The following MACROD2 variants were observed in gnomAD, a reference collection of about 807,000 sequenced individuals.
The protein encoded by MACROD2 is mono-ADP ribosylhydrolase 2.
A neutral mutation model predicts 70.4 loss-of-function variants in MACROD2; 36 were observed. The observed-to-expected ratio is 0.51, with a 90% CI of 0.39 to 0.68. The LOEUF is 0.68. Ranked by LOEUF, MACROD2 falls within the 30% of genes least tolerant of loss-of-function variation. The pLI is 0.00. For missense variants in MACROD2, 496 were observed against 538.4 expected (o/e 0.92, Z 0.78); for synonymous variants, 172 against 178.8 (o/e 0.96, Z 0.30).
chr20:15,960,652 C>A (rs908773893), intron 12 of MACROD2, among the ~76,000 whole-genome samples: 1 of 152,004 alleles, frequency 6.6e-6, no homozygotes, highest in Non-Finnish European at 1.5e-5. Flanking sequence ...ACTCCGTTCC[C>A]CTAAGAGATG....
At chr20:14,904,858 C>G (rs1452828637) in intron 5 of MACROD2, 1 of 152,182 alleles carries the variant, frequency 6.6e-6, no homozygotes, top group Non-Finnish European at 1.5e-5. Flanking sequence ...TAGTAGGAAG[C>G]TTGACGTGGC....
At chr20:14,240,064 G>A (rs2081915140) in intron 3 of MACROD2, among the ~76,000 whole-genome samples, 2 of 152,076 alleles carry the variant, frequency 1.3e-5, no homozygotes, top group South Asian at 4.1e-4. Flanking sequence ...ACTTACATGT[G>A]GTTAAGAAGA....
At chr20:15,968,851 A>G (rs1208606294) in intron 13 of MACROD2, among the ~76,000 whole-genome samples, 1 of 146,360 alleles carries the variant, frequency 6.8e-6, no homozygotes, top group Non-Finnish European at 1.5e-5. Flanking sequence ...ACACATATAC[A>G]TATGGAGAGA....
At chr20:14,579,391 T>C (rs965311401) in intron 4 of MACROD2, among the ~76,000 whole-genome samples, 75 of 152,152 alleles carry the variant, frequency 4.9e-4, no homozygotes, top group African/African-American at 1.4e-3. Flanking sequence ...TCCACCCGCC[T>C]CGGCCTCCCA....
chr20:16,013,554 G>T (rs2066891984), intron 15 of MACROD2, among the ~76,000 whole-genome samples: 1 of 152,224 alleles, frequency 6.6e-6, no homozygotes, highest in African/African-American at 2.4e-5. Flanking sequence ...AACAACTGCT[G>T]CATATGAGAA....
chr20:14,687,907 A>G (rs1469990065), intron 5 of MACROD2, among the ~76,000 whole-genome samples: 1 of 152,230 alleles, frequency 6.6e-6, no homozygotes, highest in Non-Finnish European at 1.5e-5. Flanking sequence ...TTTTTATGCC[A>G]CTTTATAATA....
At chr20:15,160,743 TA>T (rs2076342767) in intron 5 of MACROD2, among the ~76,000 whole-genome samples, 1 of 152,134 alleles carries the variant, frequency 6.6e-6, no homozygotes, top group Non-Finnish European at 1.5e-5. Flanking sequence ...TAGTATTTTT[TA>T]AATATGTATT....
At chr20:15,189,780 AT>A (rs2076558157) in intron 5 of MACROD2, among the ~76,000 whole-genome samples, 2 of 152,244 alleles carry the variant, frequency 1.3e-5, no homozygotes, top group Non-Finnish European at 2.9e-5. Context: ...TGTAGGTATA[AT>A]AAATGAGAAA....
chr20:14,752,014 C>T (rs1404292127), intron 5 of MACROD2, among the ~76,000 whole-genome samples: 2 of 151,628 alleles, frequency 1.3e-5, no homozygotes, highest in Admixed American at 1.3e-4. Flanking sequence ...TCCCATCCCT[C>T]TGGCTGCCTT....
At chr20:15,665,455 A>G (rs763060940) in intron 8 of MACROD2, among the ~76,000 whole-genome samples, 2 of 152,184 alleles carry the variant, frequency 1.3e-5, no homozygotes, top group Admixed American at 6.5e-5. Flanking sequence ...TTCTCTGAGA[A>G]ACCACAGGAC....
chr20:15,896,070 G>GT (rs1293621695), intron 10 of MACROD2, among the ~76,000 whole-genome samples: 3 of 152,124 alleles, frequency 2.0e-5, no homozygotes, highest in African/African-American at 7.2e-5. Context: ...ATGAAATCTG[G>GT]TATCACTGGA....
chr20:15,919,009 A>T (rs2065361505), intron 10 of MACROD2, among the ~76,000 whole-genome samples: 2 of 152,130 alleles, frequency 1.3e-5, no homozygotes, highest in African/African-American at 4.8e-5. Context: ...ACCGATTCTC[A>T]TTTTCAATGA....
chr20:14,815,080 G>A (rs1384921296), intron 5 of MACROD2, among the ~76,000 whole-genome samples: 2 of 151,990 alleles, frequency 1.3e-5, no homozygotes, highest in Non-Finnish European at 2.9e-5. Flanking sequence ...GAACACTGGG[G>A]CCTCAAGGTG....
At chr20:15,179,739 G>C (rs1774833027) in intron 5 of MACROD2, among the ~76,000 whole-genome samples, 1 of 152,136 alleles carries the variant, frequency 6.6e-6, no homozygotes, top group South Asian at 2.1e-4. Flanking sequence ...TGCAAGTGAT[G>C]CTATTAATGT....
chr20:14,994,177 T>C (rs1165492967), intron 5 of MACROD2, among the ~76,000 whole-genome samples: 2 of 152,154 alleles, frequency 1.3e-5, no homozygotes, highest in African/African-American at 4.8e-5. Context: ...ATACATATAA[T>C]ATTTTTTCTT....
At chr20:15,839,925 C>G (rs4814405) in intron 8 of MACROD2, among the ~76,000 whole-genome samples, 8,036 of 152,126 alleles carry the variant, frequency 0.053, 363 homozygotes, top group East Asian at 0.21. Context: ...CCTCAGTTCC[C>G]TCATCTATGA....
At chr20:15,406,016 C>T (rs1291647138) in intron 6 of MACROD2, among the ~76,000 whole-genome samples, 1 of 152,212 alleles carries the variant, frequency 6.6e-6, no homozygotes, top group Non-Finnish European at 1.5e-5. Flanking sequence ...GTGTCTGCTA[C>T]TGTCTACCCA....
intron 13 of MACROD2, among the ~76,000 whole-genome samples, chr20:15,971,566 G>T (rs2066231074): frequency 6.6e-6 from 1 of 152,048 alleles, no homozygotes; most frequent in Admixed American, 6.6e-5. Flanking sequence ...CTAGTCTTGG[G>T]TATTTCTTCA....
At chr20:14,556,055 T>C (rs1287978771) in intron 4 of MACROD2, among the ~76,000 whole-genome samples, 2 of 152,088 alleles carry the variant, frequency 1.3e-5, no homozygotes, top group African/African-American at 2.4e-5. Context: ...TAAATATAAA[T>C]GAATGTTTGC....
Sources: gnomAD v4.1 joint callset for allele counts (sites outside exome capture counted in the v4.1 genomes callset) on GRCh38, gnomAD v4.1.1 for gene constraint, MANE v1.5 for transcripts, NCBI Gene and HGNC (gene_info 2026-07-23, HGNC 2026-07-21) for gene names.